The following TMEM132D variants were observed in gnomAD, a reference collection of about 807,000 sequenced individuals.
TMEM132D encodes the protein mature OL transmembrane protein.
In TMEM132D, 21 loss-of-function variants were observed where a neutral mutation model predicts 62.3. The observed-to-expected ratio is 0.34, with a 90% CI of 0.24 to 0.49. TMEM132D has a LOEUF of 0.49. Among genes scored for constraint, TMEM132D ranks in the 20% least tolerant of loss-of-function variants. The probability of loss-of-function intolerance (pLI) is 0.99; values close to 1 mark genes in which losing one functional copy is unlikely to be tolerated. For missense variants in TMEM132D, 1,346 were observed against 1,402.8 expected (o/e 0.96, Z 0.65); for synonymous variants, 621 against 575.6 (o/e 1.08, Z -1.13).
intron 3 of TMEM132D, among the ~76,000 whole-genome samples, chr12:129,514,108 G>T (rs1359264244): frequency 6.6e-6 from 1 of 151,592 alleles, no homozygotes; most frequent in Non-Finnish European, 1.5e-5. Context: ...CAAAGTGCTG[G>T]GATTACAGGC....
chr12:129,666,074 G>A (rs1426295216), intron 2 of TMEM132D, among the ~76,000 whole-genome samples: 2 of 152,184 alleles, frequency 1.3e-5, no homozygotes, highest in African/African-American at 4.8e-5. Flanking sequence ...TAAAAGCACT[G>A]CGCTGTCTTC....
chr12:129,176,100 G>A (rs776874096), intron 5 of TMEM132D, among the ~76,000 whole-genome samples: 33 of 152,194 alleles, frequency 2.2e-4, no homozygotes, highest in African/African-American at 1.2e-4. Context: ...ACCACGTTGC[G>A]TGGAACTAGA....
chr12:129,271,479 G>A (rs1450198071), intron 4 of TMEM132D, among the ~76,000 whole-genome samples: 1 of 151,612 alleles, frequency 6.6e-6, no homozygotes, highest in East Asian at 1.9e-4. Flanking sequence ...TACCAGGGTG[G>A]TTTGCTGCAT....
At chr12:129,847,802 G>A (rs1010800209) in intron 1 of TMEM132D, among the ~76,000 whole-genome samples, 1 of 152,046 alleles carries the variant, frequency 6.6e-6, no homozygotes, top group African/African-American at 2.4e-5. Context: ...AAAAAAAGAT[G>A]TCGTGCAAGA....
chr12:129,528,561 C>T (rs1470506189), intron 3 of TMEM132D, among the ~76,000 whole-genome samples: 1 of 152,120 alleles, frequency 6.6e-6, no homozygotes, highest in African/African-American at 2.4e-5. Flanking sequence ...TTTGTGTAGA[C>T]TTCTTGGGAC....
At chr12:129,274,006 A>G (rs902096239) in intron 4 of TMEM132D, among the ~76,000 whole-genome samples, 1 of 151,792 alleles carries the variant, frequency 6.6e-6, no homozygotes, top group African/African-American at 2.4e-5. Context: ...AAATACCACT[A>G]ATTTAGACAT....
chr12:129,641,238 A>G lies in TMEM132D; in HGVS notation c.968+58572T>C, dbSNP rs554325095. 3.9e-5 allele frequency among the ~76,000 whole-genome samples: 6 copies of G among 152,340 alleles called. No individual in the cohort carries two copies. In the East Asian group the frequency reaches 1.2e-3, roughly 29 times the overall value. ...GCTATGTAAGGCACGACAAAAAGAC[A>G]GTAGGAAGCCCTGCTCTATCCCACT... On this transcript the variant is annotated intron_variant, in intron 2 of 8. Coordinates refer to ENST00000422113, the MANE Select transcript of TMEM132D (RefSeq NM_133448.3).
At chr12:129,306,555 T>A (rs1383753583) in intron 4 of TMEM132D, among the ~76,000 whole-genome samples, 2 of 152,178 alleles carry the variant, frequency 1.3e-5, no homozygotes, top group Non-Finnish European at 2.9e-5. Flanking sequence ...CTTGGGAAAC[T>A]AGGAATTCCA....
intron 4 of TMEM132D, among the ~76,000 whole-genome samples, chr12:129,236,343 T>C (rs1424808474): frequency 6.6e-6 from 1 of 151,616 alleles, no homozygotes; most frequent in African/African-American, 2.4e-5. Flanking sequence ...GGTGAAACCC[T>C]ATCTCTACTG....
chr12:129,616,366 A>T (rs1319099884), intron 2 of TMEM132D, among the ~76,000 whole-genome samples: 1 of 152,098 alleles, frequency 6.6e-6, no homozygotes, highest in African/African-American at 2.4e-5. Context: ...ACCATGACTG[A>T]GGGGTCTTTG....
At chr12:129,445,213 G>A (rs1026424403) in intron 3 of TMEM132D, among the ~76,000 whole-genome samples, 1 of 152,176 alleles carries the variant, frequency 6.6e-6, no homozygotes, top group African/African-American at 2.4e-5. Context: ...TGCAGAAACA[G>A]AAAACCAAAT....
At chr12:129,542,568 G>A (rs1048677167) in intron 2 of TMEM132D, among the ~76,000 whole-genome samples, 2 of 152,024 alleles carry the variant, frequency 1.3e-5, no homozygotes, top group Non-Finnish European at 2.9e-5. Flanking sequence ...GACATCTATC[G>A]TCAAACTTCT....
chr12:129,590,318 C>A (rs753220180), intron 2 of TMEM132D, among the ~76,000 whole-genome samples: 9 of 152,186 alleles, frequency 5.9e-5, no homozygotes, highest in Non-Finnish European at 1.2e-4. Flanking sequence ...CATTCTGACA[C>A]CGCCACGGCT....
intron 4 of TMEM132D, among the ~76,000 whole-genome samples, chr12:129,255,174 C>A (rs1427456936): frequency 6.6e-6 from 1 of 152,166 alleles, no homozygotes. Context: ...CTGGGGTCTC[C>A]CCAGAAACAG....
intron 4 of TMEM132D, among the ~76,000 whole-genome samples, chr12:129,260,583 T>C (rs565596088): frequency 1.8e-4 from 28 of 152,318 alleles, no homozygotes; most frequent in Non-Finnish European, 3.1e-4. Flanking sequence ...AGTTCTTTAG[T>C]GGTGATTTCT....
In TMEM132D at chr12:129,143,882, CT is replaced by C. The variant is rs531547883; in HGVS notation, c.1444-59181del. Among the ~76,000 whole-genome samples the C allele has an allele frequency of 3.9e-3, 586 of 152,148 alleles. 3 individuals are homozygous for C. The highest frequency in any genetic ancestry group is 5.6e-3 in the Non-Finnish European group (383 of 68,000). On this transcript the variant is annotated intron_variant, in intron 5 of 8. Transcript: ENST00000422113. Reference sequence around the variant, plus strand: ...ACAATTTGAGAACTCAAATTGTGCCCTTCAGAGTGAGGTGAGCAGGTCTGCT... The same window carrying C: ...ACAATTTGAGAACTCAAATTGTGCCCTCAGAGTGAGGTGAGCAGGTCTGCT...
chr12:129,473,287 A>T (rs1349574346), intron 3 of TMEM132D, among the ~76,000 whole-genome samples: 1 of 146,734 alleles, frequency 6.8e-6, no homozygotes, highest in Non-Finnish European at 1.5e-5. Context: ...CTGAAGGCTC[A>T]TTAGCAGTTT....
At chr12:129,216,263 C>A (rs1879199044) in intron 4 of TMEM132D, among the ~76,000 whole-genome samples, 1 of 152,164 alleles carries the variant, frequency 6.6e-6, no homozygotes, top group African/African-American at 2.4e-5. Flanking sequence ...TAAATGCCCT[C>A]CCAAATGTCT....
chr12:129,836,539 G>A (rs953890008), intron 1 of TMEM132D, among the ~76,000 whole-genome samples: 5 of 151,776 alleles, frequency 3.3e-5, no homozygotes, highest in Non-Finnish European at 7.4e-5. Flanking sequence ...TGTGTACCCC[G>A]AATACTGAGA....
Sources: allele counts gnomAD v4.1 joint callset (sites outside exome capture counted in the v4.1 genomes callset), GRCh38; gene constraint gnomAD v4.1.1; transcripts MANE v1.5; gene names NCBI Gene and HGNC (gene_info 2026-07-23, HGNC 2026-07-21).